Variants in IHO1 observed in about 807,000 individuals in gnomAD.
IHO1 encodes interactor of HORMAD1 1.
In IHO1, 13 loss-of-function variants were observed where a neutral mutation model predicts 31.0. The ratio of observed to expected loss-of-function variants is 0.42; its 90% confidence interval spans 0.27 to 0.67. The LOEUF is 0.67. Among genes scored for constraint, IHO1 ranks in the 30% least tolerant of loss-of-function variants. The pLI is 0.24. For missense variants in IHO1, 599 were observed against 687.5 expected, an observed-to-expected ratio of 0.87 and a Z score of 1.44; for synonymous variants, 221 against 248.4, an observed-to-expected ratio of 0.89 and a Z score of 1.04.
chr3:49,231,152 G>T (rs1423927251), intron 2 of IHO1, among the ~76,000 whole-genome samples: 2 of 152,148 alleles, frequency 1.3e-5, no homozygotes, highest in African/African-American at 4.8e-5. Flanking sequence ...TACTATGATA[G>T]GAAATGGGAG....
intron 1 of IHO1, among the ~76,000 whole-genome samples, chr3:49,202,498 TGTG>T (rs1223102269): frequency 1.2e-3 from 5 of 4,200 alleles, no homozygotes; most frequent in African/African-American, 4.8e-3. Context: ...GCTAATTTTG[TGTG>T]TGTGTGTGTG....
At chr3:49,223,432 C>A (rs1036968168) in intron 2 of IHO1, among the ~76,000 whole-genome samples, 2 of 152,166 alleles carry the variant, frequency 1.3e-5, no homozygotes, top group Non-Finnish European at 2.9e-5. Context: ...TGGCTTATGC[C>A]TGTAATCCCA....
chr3:49,203,232 G>C (rs2046093014), intron 1 of IHO1, among the ~76,000 whole-genome samples: 1 of 152,146 alleles, frequency 6.6e-6, no homozygotes, highest in African/African-American at 2.4e-5. Flanking sequence ...TGATATCTGA[G>C]GGAGGAGTGC....
chr3:49,255,081 A>T (rs2046807511), intron 6 of IHO1, among the ~76,000 whole-genome samples: 1 of 152,042 alleles, frequency 6.6e-6, no homozygotes, highest in Admixed American at 6.6e-5. Flanking sequence ...AAAAAGAAAA[A>T]AAGTTTCAAT....
At chr3:49,243,245 C>G (rs115399443) in intron 4 of IHO1, among the ~76,000 whole-genome samples, 2 of 151,990 alleles carry the variant, frequency 1.3e-5, no homozygotes, top group Non-Finnish European at 2.9e-5. Context: ...TGGGTTCAAG[C>G]GATTCAAGTG....
upstream of IHO1, among the ~76,000 whole-genome samples, chr3:49,195,927 C>G (rs1167115231): frequency 1.1e-4 from 17 of 150,438 alleles, no homozygotes; most frequent in African/African-American, 3.9e-4. Flanking sequence ...AGTGAAACCC[C>G]ATCTCTACTA....
At chr3:49,219,452 A>G (rs577065383) in intron 2 of IHO1, among the ~76,000 whole-genome samples, 15 of 152,326 alleles carry the variant, frequency 9.8e-5, no homozygotes, top group African/African-American at 3.4e-4. Context: ...CTTTTAGTTA[A>G]TATATAATCT....
At chr3:49,245,020 T>G (rs937456881) in intron 6 of IHO1, 1 of 577,490 alleles carries the variant, frequency 1.7e-6, no homozygotes, top group African/African-American at 1.9e-5. Flanking sequence ...GTTTCTCATC[T>G]CACTGCCTGA....
chr3:49,207,047 CAAAAAAAA>C (rs71077775), intron 1 of IHO1, among the ~76,000 whole-genome samples: 1 of 48,744 alleles, frequency 2.1e-5, no homozygotes, highest in African/African-American at 7.8e-5. Flanking sequence ...GACTCTGTCT[CAAAAAAAA>C]AAAAAAAAAA....
rs2046839539 is a variant in IHO1 at position 49,257,425 on chromosome 3, A to T, written c.*143A>T. On this transcript the variant is annotated 3_prime_UTR_variant, in exon 8 of 8. Coordinates refer to ENST00000452691, the MANE Select transcript of IHO1 (RefSeq NM_001135197.2). ...GAGGTGGGGCAATGAGCACGAGGGC[A>T]GGGAAGGTCCAGCATTCTGGGTACC... 1.3e-6 allele frequency: 1 copy of T among 781,280 alleles called. No homozygotes were observed. The highest frequency in any genetic ancestry group is 2.1e-6 in the Non-Finnish European group (1 of 477,120). 48.4% of individuals were successfully genotyped at this position (781,280 alleles called of 1,614,324 possible). A position where few individuals can be genotyped will look rare whatever the true frequency, so the allele number is the denominator to read the frequency against.
chr3:49,208,065 C>T (rs991441422), intron 1 of IHO1, among the ~76,000 whole-genome samples: 17 of 152,214 alleles, frequency 1.1e-4, no homozygotes, highest in Non-Finnish European at 2.2e-4. Context: ...AGCCACTGTG[C>T]CCGGCCAAAT....
rs967566927 is a variant in IHO1, at chr3:49,244,111, C to T, written c.396-293C>T. On this transcript the variant is annotated intron_variant, in intron 4 of 7. Coordinates refer to ENST00000452691, the MANE Select transcript of IHO1 (RefSeq NM_001135197.2). ...CTGGAATTACAGGTGCCCACCACCA[C>T]GCCTGGCTAATTTTTGTATTTTTAG... Among the ~76,000 whole-genome samples the T allele has an allele frequency of 6.6e-5, 10 of 151,888 alleles. No homozygotes were observed. The East Asian group carries it at 1.4e-3, about 21-fold the overall frequency.
At position 49,241,201 on chromosome 3, in the gene IHO1, G is replaced by T. The variant is rs778192101; in HGVS notation, c.232-25G>T. 3.2e-6 allele frequency: 5 copies of T among 1,563,420 alleles called. No individual in the cohort carries two copies. The Admixed American group carries it at 9.8e-5, about 31-fold the overall frequency. On this transcript the variant is annotated intron_variant, in intron 3 of 7. Transcript: ENST00000452691. ...CTATAAATATTTTTATGTGTGAAAT[G>T]CTATATATTTTTTTCATTTAACAGG...
At chr3:49,213,617 C>T (rs756389636) in intron 2 of IHO1, among the ~76,000 whole-genome samples, 10 of 152,204 alleles carry the variant, frequency 6.6e-5, no homozygotes, top group South Asian at 2.1e-4. Context: ...GCTGGGGCCA[C>T]GTAGGAGCCC....
chr3:49,238,198 C>G (rs1424105463), intron 3 of IHO1, among the ~76,000 whole-genome samples: 1 of 152,096 alleles, frequency 6.6e-6, no homozygotes, highest in African/African-American at 2.4e-5. Flanking sequence ...GCCACCATGC[C>G]CAGCCTGATT....
chr3:49,236,924 G>C (rs566491624), intron 3 of IHO1, among the ~76,000 whole-genome samples: 2 of 151,832 alleles, frequency 1.3e-5, no homozygotes, highest in South Asian at 4.2e-4. Flanking sequence ...TCTACAAAAA[G>C]TACAAAAATT....
At chr3:49,203,713 A>G (rs750208302) in intron 1 of IHO1, among the ~76,000 whole-genome samples, 12 of 152,304 alleles carry the variant, frequency 7.9e-5, no homozygotes, top group Non-Finnish European at 1.3e-4. Context: ...TTGGTATTCT[A>G]TTTTATCTGG....
At chr3:49,203,772 G>C (rs1346783935) in intron 1 of IHO1, among the ~76,000 whole-genome samples, 1 of 152,166 alleles carries the variant, frequency 6.6e-6, no homozygotes, top group South Asian at 2.1e-4. Flanking sequence ...TCAAATTCTA[G>C]ATATATTTTG....
chr3:49,212,200 T>A (rs188028077), intron 2 of IHO1, among the ~76,000 whole-genome samples: 234 of 145,684 alleles, frequency 1.6e-3, no homozygotes, highest in African/African-American at 5.4e-3. Flanking sequence ...TCCAGTTTCA[T>A]TGATTTCATA....
Sources: allele counts gnomAD v4.1 joint callset (sites outside exome capture counted in the v4.1 genomes callset), GRCh38; gene constraint gnomAD v4.1.1; transcripts MANE v1.5; gene names NCBI Gene and HGNC (gene_info 2026-07-23, HGNC 2026-07-21).